The following ZMYM6 variants were observed in gnomAD, a reference collection of about 807,000 sequenced individuals.
The protein encoded by ZMYM6 is zinc finger MYM-type containing 6, also known as zinc finger MYM-type protein 6.
In ZMYM6, 90 loss-of-function variants were observed where a neutral mutation model predicts 134.0. That is an observed-to-expected ratio of 0.67 (90% CI 0.57 to 0.80). ZMYM6 has a LOEUF of 0.80. Ranked by LOEUF, ZMYM6 falls within the 30% of genes least tolerant of loss-of-function variation. The probability of loss-of-function intolerance (pLI) is 0.00; values close to 1 mark genes in which losing one functional copy is unlikely to be tolerated. For missense variants in ZMYM6, 1,362 were observed against 1,533.9 expected (o/e 0.89, Z 1.87); for synonymous variants, 481 against 524.1 (o/e 0.92, Z 1.12).
intron 6 of ZMYM6, chr1:35,013,630 A>G (rs1641128517): frequency 7.1e-6 from 7 of 985,326 alleles, no homozygotes; most frequent in Non-Finnish European, 7.2e-6. Context: ...GCAACAAATC[A>G]AACTTGCTAA....
chr1:34,988,314 A>G lies in ZMYM6; in HGVS notation c.2768T>C (p.Leu923Pro), dbSNP rs1271586025. ...DESSEISNIT[L>P]LLCYIRFIDY... ...AATGAAACGAATATAGCACAAAAGA[A>G]GTGTGATATTTGAGATTTCTGATGA... is the stretch of plus-strand genomic sequence containing the variant. The change falls in exon 16 of 16, where the codon CTT (leucine) becomes CCT (proline). Residue 923 changes from leucine to proline, a missense_variant. This residue lies in a region of ZMYM6 where 824 missense variants were observed against 940.9 expected (regional missense o/e 0.88). Transcript: ENST00000357182. 6.4e-7 allele frequency: 1 copy of G among 1,551,068 alleles called. No homozygotes were observed. The highest frequency in any genetic ancestry group is 8.7e-7 in the Non-Finnish European group (1 of 1,146,744).
chr1:34,992,980 GA>G (rs958823954), intron 14 of ZMYM6, among the ~76,000 whole-genome samples: 15 of 148,704 alleles, frequency 1.0e-4, no homozygotes, highest in Non-Finnish European at 1.9e-4. Flanking sequence ...TGGCTACTCA[GA>G]AAAATTAGAT....
intron 15 of ZMYM6, chr1:34,990,305 C>T: frequency 3.6e-6 from 1 of 277,386 alleles, no homozygotes; most frequent in Non-Finnish European, 8.4e-6. Flanking sequence ...ACTGTGAAAT[C>T]CCGTCTCTAC....
At chr1:35,008,726 CAA>C (rs780740935) in intron 11 of ZMYM6, 24 bp downstream of exon 11, 1 of 1,587,192 alleles carries the variant, frequency 6.3e-7, no homozygotes, top group Non-Finnish European at 8.6e-7. Context: ...TTCAGAAAGC[CAA>C]AAAAAGTATA....
In ZMYM6 at chr1:35,025,508, G is replaced by A. The variant is rs1569797951; in HGVS notation, c.93+5039C>T. Reference sequence around the variant, plus strand: ...AAAAAAGAAAGAAAAAAAAAAGGTGGCACAAAGCAGCAGAAAGCATACAAG... The same window carrying A: ...AAAAAAGAAAGAAAAAAAAAAGGTGACACAAAGCAGCAGAAAGCATACAAG... On this transcript the variant is annotated intron_variant, in intron 2 of 15. Coordinates refer to ENST00000357182, the MANE Select transcript of ZMYM6 (RefSeq NM_007167.4). Among the ~76,000 whole-genome samples the A allele has an allele frequency of 2.7e-5, 4 of 150,322 alleles. No individual in the cohort carries two copies. The South Asian group carries it at 8.4e-4, about 32-fold the overall frequency.
chr1:35,002,409 C>T (rs1335543957), intron 14 of ZMYM6, among the ~76,000 whole-genome samples: 1 of 152,158 alleles, frequency 6.6e-6, no homozygotes, highest in Admixed American at 6.6e-5. Context: ...AATTGGAGAA[C>T]CAGCCATAAC....
Position 35,014,895 on chromosome 1 carries a change from A to G in ZMYM6, c.604-7T>C. On this transcript the variant is annotated splice_polypyrimidine_tract_variant and splice_region_variant and intron_variant, in intron 5 of 15. Transcript: ENST00000357182. Reference sequence around the variant, plus strand: ...ATTTAACTTCAAATCGAGTCTAGGAAATAAACACACACATACACACACAAA... The same window carrying G: ...ATTTAACTTCAAATCGAGTCTAGGAGATAAACACACACATACACACACAAA... The G allele has an allele frequency of 6.2e-7, 1 of 1,613,894 alleles. No individual in the cohort carries two copies. Among genetic ancestry groups the G allele is most frequent in the Admixed American group, 1.7e-5 (1 of 59,978 alleles).
intron 4 of ZMYM6, chr1:35,018,463 T>C (rs1362534071): frequency 2.0e-5 from 3 of 151,896 alleles, no homozygotes; most frequent in Non-Finnish European, 4.4e-5. Flanking sequence ...TAAGTATACA[T>C]AGTAATATGT....
At chr1:35,023,498 A>G (rs1440403737) in intron 2 of ZMYM6, among the ~76,000 whole-genome samples, 2 of 152,216 alleles carry the variant, frequency 1.3e-5, no homozygotes, top group Non-Finnish European at 2.9e-5. Flanking sequence ...ATTCAATCCA[A>G]AGTGCATGTT....
intron 1 of ZMYM6, 179 bp downstream of exon 1, chr1:35,031,636 A>T (rs1641527889): frequency 6.6e-6 from 1 of 152,116 alleles, no homozygotes; most frequent in South Asian, 2.1e-4. Context: ...CTAACGAGGC[A>T]ATGTGGTCTC....
intron 14 of ZMYM6, among the ~76,000 whole-genome samples, chr1:34,996,885 A>G (rs1419913742): frequency 6.6e-6 from 1 of 152,208 alleles, no homozygotes; most frequent in East Asian, 1.9e-4. Context: ...TCACACAATA[A>G]CTCAGAGTGA....
At chr1:35,000,680 T>C (rs577387086) in intron 14 of ZMYM6, among the ~76,000 whole-genome samples, 6 of 152,298 alleles carry the variant, frequency 3.9e-5, no homozygotes, top group Admixed American at 3.3e-4. Context: ...TCAACATGGA[T>C]AGGTATTTTT....
At chr1:35,017,586 C>T (rs1641227899) in intron 4 of ZMYM6, 1 of 152,184 alleles carries the variant, frequency 6.6e-6, no homozygotes, top group Non-Finnish European at 1.5e-5. Flanking sequence ...CACCTTCCAA[C>T]AATAACATAG....
chr1:35,022,594 C>T (rs1641330472), intron 2 of ZMYM6, among the ~76,000 whole-genome samples: 1 of 152,012 alleles, frequency 6.6e-6, no homozygotes, highest in Admixed American at 6.6e-5. Flanking sequence ...CAAGATAGCA[C>T]TGTCATAGAT....
At chr1:35,014,407 G>A (rs372505225) in intron 6 of ZMYM6, among the ~76,000 whole-genome samples, 6 of 152,070 alleles carry the variant, frequency 3.9e-5, no homozygotes, top group Non-Finnish European at 5.9e-5. Flanking sequence ...GTTCAACACC[G>A]GCCTGAGCAA....
At position 34,987,711 on chromosome 1, in the gene ZMYM6, T is replaced by C; in HGVS notation, c.3371A>G (p.Asn1124Ser). 6.4e-7 allele frequency: 1 copy of C among 1,550,922 alleles called. No individual in the cohort carries two copies. The highest frequency in any genetic ancestry group is 8.7e-7 in the Non-Finnish European group (1 of 1,146,784). ...AYLSDIFSLI[N>S]ELNLSLQGTL... ...TCCTTGGAGACTTAAATTTAATTCA[T>C]TTATAAGTGAAAATATATCTGATAA... Residue 1124 changes from asparagine to serine, a missense_variant, in exon 16 of 16, where the codon AAT becomes AGT. By Grantham distance (46) the Asn-to-Ser change is conservative. This residue lies in a region of ZMYM6 where 824 missense variants were observed against 940.9 expected (regional missense o/e 0.88). Transcript: ENST00000357182.
chr1:35,019,673 TCTCTC>T, intron 3 of ZMYM6, 71 bp from the exon 4 acceptor site: 1 of 1,470,746 alleles, frequency 6.8e-7, no homozygotes, highest in African/African-American at 1.4e-5. Context: ...TCTCTCTCTC[TCTCTC>T]TTTTTTCTTT....
intron 12 of ZMYM6, among the ~76,000 whole-genome samples, chr1:35,005,593 C>T (rs1298059017): frequency 8.4e-6 from 1 of 118,722 alleles, no homozygotes; most frequent in East Asian, 2.6e-4. Flanking sequence ...CCCAGGAGTT[C>T]AAGACCAACC....
At chr1:35,030,259 G>A (rs1376909182) in intron 2 of ZMYM6, 3 of 252,714 alleles carry the variant, frequency 1.2e-5, no homozygotes, top group South Asian at 8.0e-5. Flanking sequence ...GCCAAACCCC[G>A]TCTCTACCAA....
Sources: gnomAD v4.1 joint callset for allele counts (sites outside exome capture counted in the v4.1 genomes callset) on GRCh38, gnomAD v4.1.1 for gene constraint, gnomAD v4.1.1 regional missense constraint, MANE v1.5 for transcripts, NCBI Gene and HGNC (gene_info 2026-07-23, HGNC 2026-07-21) for gene names.